Variants in AK8 observed in about 807,000 individuals in gnomAD.
The protein encoded by AK8 is ATP-AMP transphosphorylase 8.
A neutral mutation model predicts 54.6 loss-of-function variants in AK8; 44 were observed. The ratio of observed to expected loss-of-function variants is 0.81; its 90% CI spans 0.63 to 1.04. The LOEUF is 1.04. Ranked by LOEUF, AK8 falls within the 50% of genes least tolerant of loss-of-function variation. AK8 has a pLI of 0.00. For missense variants in AK8, 555 were observed against 613.6 expected, an observed-to-expected ratio of 0.90 and a Z score of 1.01; for synonymous variants, 239 against 245.6, an observed-to-expected ratio of 0.97 and a Z score of 0.25.
chr9:132,747,844 G>C (rs529587043), intron 11 of AK8, among the ~76,000 whole-genome samples: 1 of 150,046 alleles, frequency 6.7e-6, no homozygotes, highest in Non-Finnish European at 1.5e-5. Flanking sequence ...GGCTGGGCGT[G>C]GTGGCTCACA....
intron 9 of AK8, among the ~76,000 whole-genome samples, chr9:132,818,221 T>C (rs1247485455): frequency 2.6e-5 from 4 of 152,202 alleles, no homozygotes; most frequent in Non-Finnish European, 4.4e-5. Flanking sequence ...TTAAAGGAAG[T>C]TCTTCAGGCT....
chr9:132,808,809 G>T (rs1381176390), intron 10 of AK8, among the ~76,000 whole-genome samples: 1 of 152,232 alleles, frequency 6.6e-6, no homozygotes, highest in African/African-American at 2.4e-5. Context: ...AGGGGTCCCA[G>T]TGAAAGACCA....
intron 5 of AK8, among the ~76,000 whole-genome samples, chr9:132,844,608 C>T (rs1842676698): frequency 6.6e-6 from 1 of 152,212 alleles, no homozygotes; most frequent in Non-Finnish European, 1.5e-5. Flanking sequence ...GAAATCCTGT[C>T]TCCAGCGGGA....
chr9:132,833,575 C>T lies in AK8; in HGVS notation c.403-4849G>A, dbSNP rs147161227. ...TATTCTGATGCCTTCGCTCACCGTA[C>T]CCCCGTGGCTCGGTTCTGTTTTATC... On this transcript the variant is annotated intron_variant, in intron 5 of 12. Transcript: ENST00000298545. 9.7e-4 allele frequency among the ~76,000 whole-genome samples: 147 copies of T among 152,300 alleles called. No homozygotes were observed. In the East Asian group the frequency reaches 0.026, roughly 27 times the overall value.
intron 9 of AK8, among the ~76,000 whole-genome samples, chr9:132,815,941 AG>A (rs1841308727): frequency 6.6e-6 from 1 of 152,252 alleles, no homozygotes; most frequent in Non-Finnish European, 1.5e-5. Context: ...TACCATCACC[AG>A]GGATTCATTC....
At chr9:132,840,244 T>A (rs1842483040) in intron 5 of AK8, among the ~76,000 whole-genome samples, 1 of 152,190 alleles carries the variant, frequency 6.6e-6, no homozygotes, top group South Asian at 2.1e-4. Context: ...AAATTCCTGC[T>A]GCAGTCACAC....
chr9:132,828,063 G>T lies in AK8; in HGVS notation c.506C>A (p.Thr169Lys), dbSNP rs114347984. Reference sequence around the variant, plus strand: ...CCCCAAGTTTCTCTCGATCAGGACCGTGTCTGGAGCACTCAGCACAACTGG... The same window carrying T: ...CCCCAAGTTTCTCTCGATCAGGACCTTGTCTGGAGCACTCAGCACAACTGG... ...RHVIVLSAPD[T>K]VLIERNLGKR... The change falls in exon 7 of 13, where the codon ACG becomes AAG. Residue 169 changes from threonine to lysine, a missense_variant. Transcript: ENST00000298545. The T allele has an allele frequency of 1.0e-3, 1,583 of 1,573,748 alleles. 5 individuals are homozygous for T. Among genetic ancestry groups the T allele is most frequent in the African/African-American group, 6.9e-3 (515 of 74,218 alleles).
chr9:132,849,175 T>G (rs1198201756), intron 5 of AK8, among the ~76,000 whole-genome samples: 1 of 152,178 alleles, frequency 6.6e-6, no homozygotes, highest in Non-Finnish European at 1.5e-5. Context: ...CCCAAAGTGC[T>G]GGGATTACAG....
rs1193156251 is a variant in AK8, at chr9:132,828,059, G to A, written c.510C>T (p.Val170=). 2 of 1,573,960 alleles carry A rather than the reference G, an allele frequency of 1.3e-6. No individual in the cohort carries two copies. The highest frequency in any genetic ancestry group is 1.7e-6 in the Non-Finnish European group (2 of 1,158,436). Residue 170 remains valine (V), a synonymous_variant, in exon 7 of 13, where the codon GTC becomes GTT. Transcript: ENST00000298545. ...HVIVLSAPDT[V]LIERNLGKRI... ...TCTTCCCCAAGTTTCTCTCGATCAG[G>A]ACCGTGTCTGGAGCACTCAGCACAA...
Position 132,792,739 on chromosome 9 carries a change from C to T in AK8, c.1016G>A (p.Arg339His), listed in dbSNP as rs375128507. ...DSLLMKVLSQ[R>H]LDQQDCIQKG... ...CTGGATGCAGTCCTGCTGGTCCAGG[C>T]GCTGGCTCAGCACCTTCATGAGGAG... The change falls in exon 11 of 13, where the codon CGC becomes CAC. Residue 339 changes from arginine to histidine, a missense_variant. By Grantham distance (29) the Arg-to-His change is conservative. Transcript: ENST00000298545. 3.7e-5 allele frequency: 58 copies of T among 1,559,142 alleles called. No homozygotes were observed. The highest frequency in any genetic ancestry group is 2.1e-4 in the South Asian group (18 of 84,412).
chr9:132,873,631 G>A (rs186867339), intron 2 of AK8, among the ~76,000 whole-genome samples: 1 of 151,964 alleles, frequency 6.6e-6, no homozygotes, highest in Non-Finnish European at 1.5e-5. Flanking sequence ...TTCTCTGGTG[G>A]CGGTGTGAGA....
intron 5 of AK8, among the ~76,000 whole-genome samples, chr9:132,849,290 G>T (rs1021563743): frequency 1.3e-5 from 2 of 152,152 alleles, no homozygotes; most frequent in African/African-American, 4.8e-5. Flanking sequence ...TTAGAACAGG[G>T]GTTGGCAAGC....
rs571935332 is a variant in AK8 at position 132,727,068 on chromosome 9, C to T, written c.1202+386G>A. Among the ~76,000 whole-genome samples, 515 of 152,122 alleles carry T rather than the reference C, an allele frequency of 3.4e-3. 3 individuals carry two copies. Among genetic ancestry groups the T allele is most frequent in the African/African-American group, 0.012 (500 of 41,506 alleles). The stretch of plus-strand genomic sequence containing the variant: ...CTGTAACTATGGGAAGCCTCAAAGG[C>T]AACTTGTGCCCATGGGGATGTGTTT... On this transcript the variant is annotated intron_variant, in intron 12 of 12. Transcript: ENST00000298545.
Position 132,774,283 on chromosome 9 carries a change from G to C in AK8, c.1121+18351C>G, listed in dbSNP as rs557066142. On this transcript the variant is annotated intron_variant, in intron 11 of 12. Transcript: ENST00000298545. ...TCATGGGGGGGTTGGGGGTGGTCTG[G>C]AATCTGCAGAAATCTCAAAGCCAAC... 5.5e-4 allele frequency among the ~76,000 whole-genome samples: 83 copies of C among 152,282 alleles called. 1 individual carries two copies. Among genetic ancestry groups the C allele is most frequent in the African/African-American group, 1.9e-3 (77 of 41,548 alleles).
At chr9:132,867,736 C>T (rs1417845312) in intron 2 of AK8, among the ~76,000 whole-genome samples, 1 of 152,230 alleles carries the variant, frequency 6.6e-6, no homozygotes, top group Non-Finnish European at 1.5e-5. Context: ...TGTTCTAGGC[C>T]TGTAACCTGG....
chr9:132,860,747 G>A lies in AK8; in HGVS notation c.333+2918C>T, dbSNP rs182206334. Among the ~76,000 whole-genome samples, 1 of 152,346 alleles carries A rather than the reference G, an allele frequency of 6.6e-6. No individual in the cohort carries two copies. Among genetic ancestry groups the A allele is most frequent in the East Asian group, 1.9e-4 (1 of 5,182 alleles). On this transcript the variant is annotated intron_variant, in intron 4 of 12. Transcript: ENST00000298545. The surrounding 1 kb of genome is among the most constrained non-coding windows in gnomAD (Gnocchi z 4.4). ...TCCTGGACTATTGGAAGAGAGAGCA[G>A]CCTGGCTTCCTGCAAGCCTGGCACA... is the stretch of plus-strand genomic sequence containing the variant.
intron 5 of AK8, among the ~76,000 whole-genome samples, chr9:132,834,602 T>C (rs1842241308): frequency 6.6e-6 from 1 of 152,194 alleles, no homozygotes; most frequent in African/African-American, 2.4e-5. Context: ...CTCCACCTGA[T>C]CAAGGTGAGG....
intron 12 of AK8, among the ~76,000 whole-genome samples, chr9:132,726,525 C>T (rs2130924403): frequency 6.6e-6 from 1 of 152,298 alleles, no homozygotes; most frequent in African/African-American, 2.4e-5. Flanking sequence ...GCCTTGGCCT[C>T]CCAAAGTGCT....
intron 2 of AK8, among the ~76,000 whole-genome samples, chr9:132,869,191 A>G (rs1187955277): frequency 6.6e-6 from 1 of 152,160 alleles, no homozygotes; most frequent in Non-Finnish European, 1.5e-5. Context: ...AAATATCTAT[A>G]TCTATATCTA....
Sources: allele counts gnomAD v4.1 joint callset (sites outside exome capture counted in the v4.1 genomes callset), GRCh38; gene constraint gnomAD v4.1.1; non-coding constraint Gnocchi (gnomAD v3.1); transcripts MANE v1.5; gene names NCBI Gene and HGNC (gene_info 2026-07-23, HGNC 2026-07-21).